Variants in NUDT9 observed in about 807,000 individuals in gnomAD.
NUDT9 encodes the protein nudix hydrolase 9.
A neutral mutation model predicts 41.0 loss-of-function variants in NUDT9; 31 were observed. The observed-to-expected ratio is 0.76, with a 90% CI of 0.57 to 1.02. The LOEUF (loss-of-function observed/expected upper bound fraction) is 1.02. Ranked by LOEUF, NUDT9 falls within the 50% of genes least tolerant of loss-of-function variation. NUDT9 has a pLI of 0.00. For synonymous variants in NUDT9, 146 were observed against 147.6 expected, an observed-to-expected ratio of 0.99 and a Z score of 0.08; for missense variants, 380 against 431.4, an observed-to-expected ratio of 0.88 and a Z score of 1.06.
Position 87,434,899 on chromosome 4 carries a change from G to A in NUDT9, c.108-82G>A, listed in dbSNP as rs148815913. The A allele has an allele frequency of 6.6e-4, 841 of 1,266,012 alleles. 4 individuals are homozygous for A. The African/African-American group carries it at 0.011, about 17-fold the overall frequency. 78.4% of individuals were successfully genotyped at this position (1,266,012 alleles called of 1,614,324 possible). A position where few individuals can be genotyped will look rare whatever the true frequency, so the allele number is the denominator to read the frequency against. ...CTCACAAAGTGCTGGGATTACAGGC[G>A]TAAGCCACTGCACCCGGCCTAGGTT... is the stretch of plus-strand genomic sequence containing the variant. On this transcript the variant is annotated intron_variant, in intron 1 of 7. Transcript: ENST00000302174.
At chr4:87,454,989 G>A (rs1243866230) in intron 7 of NUDT9, among the ~76,000 whole-genome samples, 2 of 152,184 alleles carry the variant, frequency 1.3e-5, no homozygotes, top group Admixed American at 6.5e-5. Flanking sequence ...ATTACAGAAG[G>A]AGAAAGGAAA....
intron 1 of NUDT9, among the ~76,000 whole-genome samples, chr4:87,433,745 A>T (rs1357112481): frequency 6.6e-6 from 1 of 152,166 alleles, no homozygotes; most frequent in Non-Finnish European, 1.5e-5. Context: ...GATATGAAAA[A>T]TTTTTGTATA....
intron 3 of NUDT9, among the ~76,000 whole-genome samples, chr4:87,438,621 T>C (rs1722061497): frequency 6.6e-6 from 1 of 152,224 alleles, no homozygotes; most frequent in African/African-American, 2.4e-5. Flanking sequence ...TGCATCTTTT[T>C]GTAATTGTAT....
At position 87,456,880 on chromosome 4, in the gene NUDT9, G is replaced by GT. The variant is rs571788005; in HGVS notation, c.875-962dup. Reference sequence around the variant, plus strand: ...CAGGACGCGGAGGTTGCAGTGAGCCGTGATTGTGCCACTGCACTTCAGCCT... The same window carrying GT: ...CAGGACGCGGAGGTTGCAGTGAGCCGTTGATTGTGCCACTGCACTTCAGCCT... On this transcript the variant is annotated intron_variant, in intron 7 of 7. Coordinates refer to ENST00000302174, the MANE Select transcript of NUDT9 (RefSeq NM_024047.5). Among the ~76,000 whole-genome samples the GT allele has an allele frequency of 6.4e-4, 98 of 152,258 alleles. 4 individuals carry two copies. In the South Asian group the frequency reaches 0.019, roughly 30 times the overall value.
At chr4:87,429,361 C>T (rs1721577628) in intron 1 of NUDT9, among the ~76,000 whole-genome samples, 1 of 152,082 alleles carries the variant, frequency 6.6e-6, no homozygotes, top group Non-Finnish European at 1.5e-5. Context: ...ACTGTCTCAC[C>T]TAGGGTGGTC....
chr4:87,423,713 T>C (rs899568634), intron 1 of NUDT9, among the ~76,000 whole-genome samples: 1 of 152,256 alleles, frequency 6.6e-6, no homozygotes, highest in African/African-American at 2.4e-5. Context: ...TGTTTCCTTC[T>C]GTTGCTTTTT....
intron 1 of NUDT9, 63 bp downstream of exon 1, chr4:87,423,075 CT>C (rs1177880512): frequency 2.6e-5 from 33 of 1,263,468 alleles, no homozygotes; most frequent in South Asian, 3.9e-5. Context: ...TGGGAAGCAG[CT>C]TTTTTTTCTG....
chr4:87,443,243 G>A (rs578027397), intron 4 of NUDT9, among the ~76,000 whole-genome samples: 16 of 149,652 alleles, frequency 1.1e-4, no homozygotes, highest in African/African-American at 3.4e-4. Context: ...TATGTGGCAC[G>A]ACTATACACA....
At chr4:87,435,684 G>A (rs1007253540) in intron 2 of NUDT9, among the ~76,000 whole-genome samples, 16 of 152,154 alleles carry the variant, frequency 1.1e-4, no homozygotes, top group African/African-American at 2.7e-4. Context: ...AATAGAAAAG[G>A]GTTGGATAAA....
At chr4:87,449,068 A>G (rs1722596305) in intron 4 of NUDT9, 74 bp from the exon 5 acceptor site, 1 of 830,624 alleles carries the variant, frequency 1.2e-6, no homozygotes, top group Non-Finnish European at 2.0e-6. Flanking sequence ...AGTCCTTGTA[A>G]CTTTATCTCA....
Position 87,435,204 on chromosome 4 carries a change from G to A in NUDT9, c.331G>A (p.Ala111Thr), listed in dbSNP as rs747371291. 3.7e-6 allele frequency: 6 copies of A among 1,613,092 alleles called. No individual in the cohort carries two copies. The highest frequency in any genetic ancestry group is 1.7e-5 in the Admixed American group (1 of 59,906). ...CTCTGTCTTGGCTGGACCCAGGTGGGCAGATCCTCAGATCAGGTGAGCAAA... is the reference window on the plus strand; with the variant it reads ...CTCTGTCTTGGCTGGACCCAGGTGGACAGATCCTCAGATCAGGTGAGCAAA... ...AVSVLAGPRWADPQISESNFS... is the reference protein window; with the variant it reads ...AVSVLAGPRWTDPQISESNFS... Residue 111 changes from alanine (A) to threonine (T), a missense_variant, in exon 2 of 8, where the codon GCA becomes ACA. By Grantham distance (58) the Ala-to-Thr change is moderately conservative. Coordinates refer to ENST00000302174, the MANE Select transcript of NUDT9 (RefSeq NM_024047.5).
chr4:87,426,821 A>T (rs1010854136), intron 1 of NUDT9, among the ~76,000 whole-genome samples: 1 of 151,632 alleles, frequency 6.6e-6, no homozygotes, highest in Admixed American at 6.6e-5. Context: ...AGATTGCTTG[A>T]GCCTAGGAGT....
intron 3 of NUDT9, among the ~76,000 whole-genome samples, chr4:87,439,370 G>T (rs998947672): frequency 6.6e-6 from 1 of 150,558 alleles, no homozygotes; most frequent in Non-Finnish European, 1.5e-5. Flanking sequence ...AAAACCATCA[G>T]ATTGGCCAGG....
intron 1 of NUDT9, among the ~76,000 whole-genome samples, chr4:87,430,496 T>C (rs904570984): frequency 2.6e-5 from 4 of 152,228 alleles, no homozygotes; most frequent in African/African-American, 4.8e-5. Flanking sequence ...TATAGGACTT[T>C]ACTGAATCTT....
intron 4 of NUDT9, 113 bp from the exon 5 acceptor site, chr4:87,449,029 A>C: frequency 3.3e-6 from 2 of 602,114 alleles, no homozygotes; most frequent in Non-Finnish European, 5.9e-6. Context: ...ATTTGAGATA[A>C]ATTTATATAT....
chr4:87,422,943 T>A lies in NUDT9; in HGVS notation c.38T>A (p.Val13Glu), dbSNP rs1185995761. The A allele has an allele frequency of 6.2e-7, 1 of 1,612,366 alleles. No individual in the cohort carries two copies. The highest frequency in any genetic ancestry group is 1.1e-5 in the South Asian group (1 of 90,922). ...GRLLGKALAA[V>E]SLSLALASVT... Reference sequence around the variant, plus strand: ...CTCCTGGGAAAGGCTTTAGCCGCGGTGTCTCTCTCTCTGGCCTTGGCCTCT... The same window carrying A: ...CTCCTGGGAAAGGCTTTAGCCGCGGAGTCTCTCTCTCTGGCCTTGGCCTCT... Residue 13 changes from valine to glutamate, a missense_variant, in exon 1 of 8, where the codon GTG becomes GAG. Val to Glu is a moderately radical substitution (Grantham distance 121, BLOSUM62 -2). Transcript: ENST00000302174.
intron 1 of NUDT9, among the ~76,000 whole-genome samples, chr4:87,425,073 T>C (rs905666335): frequency 1.3e-5 from 2 of 152,096 alleles, no homozygotes; most frequent in Middle Eastern, 3.2e-3. Flanking sequence ...AAGAATTTTA[T>C]GGCCAGGCAC....
Position 87,458,672 on chromosome 4 carries a change from A to G in NUDT9, c.*651A>G, listed in dbSNP as rs1723089950. Reference sequence around the variant, plus strand: ...ATACTCTCATTTTCAAAAATTCTGAATTAAAAAAAGTCCAGGAAGTTAGTA... The same window carrying G: ...ATACTCTCATTTTCAAAAATTCTGAGTTAAAAAAAGTCCAGGAAGTTAGTA... On this transcript the variant is annotated 3_prime_UTR_variant, in exon 8 of 8. Coordinates refer to ENST00000302174, the MANE Select transcript of NUDT9 (RefSeq NM_024047.5). 1 of 152,226 alleles carries G rather than the reference A, an allele frequency of 6.6e-6. No homozygotes were observed. The highest frequency in any genetic ancestry group is 2.4e-5 in the African/African-American group (1 of 41,466). 9.4% of individuals were successfully genotyped at this position (152,226 alleles called of 1,614,324 possible). A position where few individuals can be genotyped will look rare whatever the true frequency, so the allele number is the denominator to read the frequency against.
intron 6 of NUDT9, among the ~76,000 whole-genome samples, chr4:87,453,676 C>A (rs550037756): frequency 6.6e-6 from 1 of 151,996 alleles, no homozygotes; most frequent in South Asian, 2.1e-4. Context: ...GATCCGCCCA[C>A]CTCCGCCTCC....
Sources: allele counts gnomAD v4.1 joint callset (sites outside exome capture counted in the v4.1 genomes callset), GRCh38; gene constraint gnomAD v4.1.1; transcripts MANE v1.5; gene names NCBI Gene and HGNC (gene_info 2026-07-23, HGNC 2026-07-21).